The following ANKRD28 variants were observed in gnomAD, a reference collection of about 807,000 sequenced individuals.
ANKRD28 encodes the protein serine/threonine-protein phosphatase 6 regulatory ankyrin repeat subunit A.
Under a neutral mutation model 126.5 loss-of-function variants are expected in ANKRD28, and 44 were observed. The observed-to-expected ratio is 0.35, with a 90% CI of 0.27 to 0.45. ANKRD28 has a LOEUF of 0.45. Ranked by LOEUF, ANKRD28 falls within the 20% of genes least tolerant of loss-of-function variation. ANKRD28 has a pLI of 1.00. For missense variants in ANKRD28, 1,110 were observed against 1,316.6 expected, an observed-to-expected ratio of 0.84 and a Z score of 2.43; for synonymous variants, 442 against 468.5, an observed-to-expected ratio of 0.94 and a Z score of 0.73.
At position 15,833,367 on chromosome 3, in the gene ANKRD28, A is replaced by C. The variant is rs950394756; in HGVS notation, c.27+26010T>G. Among the ~76,000 whole-genome samples, 1 of 151,990 alleles carries C rather than the reference A, an allele frequency of 6.6e-6. No homozygotes were observed. The highest frequency in any genetic ancestry group is 1.5e-5 in the Non-Finnish European group (1 of 67,994). On this transcript the variant is annotated intron_variant, in intron 1 of 27. Transcript: ENST00000399451. The surrounding 1 kb of genome is among the most constrained non-coding windows in gnomAD (Gnocchi z 4.4). ...TCCTGCCCTCAAGCATTGGACTCCAAGTTATTCAGTTTTGGGGCTCGGACT... is the reference window on the plus strand; with the variant it reads ...TCCTGCCCTCAAGCATTGGACTCCACGTTATTCAGTTTTGGGGCTCGGACT...
chr3:15,843,454 C>T lies in ANKRD28; in HGVS notation c.27+15923G>A, dbSNP rs2061463926. ...AGAATCTTAATAGCGTCCATCCGGA[C>T]ACCAATATACAACAATATGTAGTGG... On this transcript the variant is annotated intron_variant, in intron 1 of 27. Transcript: ENST00000399451. This position sits in a 1 kb window ranked among gnomAD's most constrained non-coding sequence, Gnocchi z 5.2. Among the ~76,000 whole-genome samples, 1 of 151,864 alleles carries T rather than the reference C, an allele frequency of 6.6e-6. No homozygotes were observed. Among genetic ancestry groups the T allele is most frequent in the African/African-American group, 2.4e-5 (1 of 41,320 alleles).
At chr3:15,791,244 C>T (rs1451087394) in intron 2 of ANKRD28, among the ~76,000 whole-genome samples, 4 of 152,030 alleles carry the variant, frequency 2.6e-5, no homozygotes, top group African/African-American at 9.7e-5. Flanking sequence ...CAATGGAATT[C>T]TTCACAGGAA....
rs551103706 is a variant in ANKRD28 at position 15,744,473 on chromosome 3, C to CTTT, written c.352-7243_352-7241dup. Reference sequence around the variant, plus strand: ...TACAGGCGGGCACCACCAAACCTGGCTTTTTTTTTTTTTTTGTACTTTTCA... The same window carrying CTTT: ...TACAGGCGGGCACCACCAAACCTGGCTTTTTTTTTTTTTTTTTTGTACTTTTCA... On this transcript the variant is annotated intron_variant, in intron 4 of 27. Transcript: ENST00000683139. Among the ~76,000 whole-genome samples the CTTT allele has an allele frequency of 7.6e-4, 104 of 137,224 alleles. 2 individuals carry two copies. The highest frequency in any genetic ancestry group is 4.7e-3 in the East Asian group (22 of 4,682). The allele number at this position is 137,224 out of a possible 152,430, so 90.0% of individuals were successfully genotyped here.
rs970339878 is a variant in ANKRD28 at position 15,846,292 on chromosome 3, C to T, written c.27+13085G>A. On this transcript the variant is annotated intron_variant, in intron 1 of 27. Transcript: ENST00000399451. This position sits in a 1 kb window ranked among gnomAD's most constrained non-coding sequence, Gnocchi z 5.4. Reference sequence around the variant, plus strand: ...GACACTGGCCAAAACAAAGAGGCTACTGGCCCCATGCAAGTCTGAAACCCA... The same window carrying T: ...GACACTGGCCAAAACAAAGAGGCTATTGGCCCCATGCAAGTCTGAAACCCA... Among the ~76,000 whole-genome samples the T allele has an allele frequency of 3.1e-4, 47 of 152,332 alleles. 1 individual carries two copies. The highest frequency in any genetic ancestry group is 1.1e-3 in the African/African-American group (46 of 41,578).
intron 1 of ANKRD28, among the ~76,000 whole-genome samples, chr3:15,813,327 C>G (rs1311566968): frequency 1.3e-5 from 2 of 152,032 alleles, no homozygotes; most frequent in Non-Finnish European, 2.9e-5. Context: ...GATCACATGC[C>G]GCTGCACTCC....
chr3:15,847,815 T>C (rs1051344274), intron 1 of ANKRD28, among the ~76,000 whole-genome samples: 1 of 152,324 alleles, frequency 6.6e-6, no homozygotes, highest in Middle Eastern at 3.4e-3. Context: ...AAACCTATAT[T>C]CTATACTATC....
Position 15,707,968 on chromosome 3 carries a change from G to A in ANKRD28, c.1503C>T (p.Gly501=), listed in dbSNP as rs775156645. The A allele has an allele frequency of 6.2e-7, 1 of 1,613,052 alleles. No homozygotes were observed. The highest frequency in any genetic ancestry group is 8.5e-7 in the Non-Finnish European group (1 of 1,179,508). The stretch of plus-strand genomic sequence containing the variant: ...TAGCTGCATAGTGCAGGGGTGTGCA[G>A]CCTCTTTCATCAAGGTCATTCACAC... The part of the protein sequence containing the change: ...GASVNDLDER[G]CTPLHYAATS... Residue 501 remains glycine, a synonymous_variant, in exon 14 of 28, where the codon GGC becomes GGT. Transcript: ENST00000683139.
At chr3:15,689,442 G>A (rs532112653) in intron 18 of ANKRD28, among the ~76,000 whole-genome samples, 4 of 152,324 alleles carry the variant, frequency 2.6e-5, no homozygotes, top group Admixed American at 1.3e-4. Context: ...CCCCTGAGGG[G>A]CCCCTAAAAT....
At chr3:15,794,784 T>G (rs926248641) in intron 2 of ANKRD28, among the ~76,000 whole-genome samples, 1 of 152,186 alleles carries the variant, frequency 6.6e-6, no homozygotes, top group African/African-American at 2.4e-5. Flanking sequence ...AAATCTGATC[T>G]TATATTTAGA....
Position 15,737,113 on chromosome 3 carries a change from G to A in ANKRD28, c.472C>T (p.Pro158Ser). 6.2e-7 allele frequency: 1 copy of A among 1,613,946 alleles called. No individual in the cohort carries two copies. The highest frequency in any genetic ancestry group is 1.1e-5 in the South Asian group (1 of 91,074). ...KAVKCAEALVPLLSNVNVSDR... is the reference protein window; with the variant it reads ...KAVKCAEALVSLLSNVNVSDR... ...GATACGTTTACATTACTCAGAAGAGGTACCAAAGCTTCAGCACACTTTACA... is the reference window on the plus strand; with the variant it reads ...GATACGTTTACATTACTCAGAAGAGATACCAAAGCTTCAGCACACTTTACA... The change falls in exon 5 of 28, where the codon CCT becomes TCT. Residue 158 changes from proline to serine, a missense_variant. Physicochemically the swap from Pro to Ser is moderately conservative, Grantham distance 74. Coordinates refer to ENST00000683139, the MANE Select transcript of ANKRD28 (RefSeq NM_001349278.2).
intron 6 of ANKRD28, chr3:15,733,253 G>A (rs1231674551): frequency 6.6e-6 from 1 of 152,210 alleles, no homozygotes; most frequent in Non-Finnish European, 1.5e-5. Flanking sequence ...ATGGACCTCT[G>A]AAATACTCTT....
chr3:15,706,160 A>T (rs2071353826), intron 14 of ANKRD28, among the ~76,000 whole-genome samples: 1 of 151,902 alleles, frequency 6.6e-6, no homozygotes, highest in Admixed American at 6.6e-5. Context: ...GCACATATGT[A>T]TACATGTGCC....
chr3:15,834,428 G>A (rs1476110952), intron 1 of ANKRD28, among the ~76,000 whole-genome samples: 1 of 152,112 alleles, frequency 6.6e-6, no homozygotes, highest in Admixed American at 6.5e-5. Flanking sequence ...TTTTATGCCA[G>A]TACCATGTTG....
intron 4 of ANKRD28, among the ~76,000 whole-genome samples, chr3:15,747,679 G>A (rs938895775): frequency 2.6e-5 from 4 of 152,164 alleles, no homozygotes; most frequent in Non-Finnish European, 5.9e-5. Flanking sequence ...CAGTTGTTTG[G>A]TAGACTGTTC....
At chr3:15,714,314 G>A (rs2072709169) in intron 9 of ANKRD28, among the ~76,000 whole-genome samples, 1 of 151,768 alleles carries the variant, frequency 6.6e-6, no homozygotes, top group Admixed American at 6.6e-5. Flanking sequence ...TTTCTATTTA[G>A]CAATATTGAA....
intron 3 of ANKRD28, among the ~76,000 whole-genome samples, chr3:15,759,688 T>C (rs775774172): frequency 2.6e-5 from 4 of 152,206 alleles, no homozygotes; most frequent in Non-Finnish European, 5.9e-5. Flanking sequence ...AGGAAACAGT[T>C]ACAACCACAA....
chr3:15,720,925 A>G lies in ANKRD28; in HGVS notation c.986T>C (p.Val329Ala). The stretch of plus-strand genomic sequence containing the variant: ...GATTTTGTTCCTTACCTTCATATTG[A>G]CATCGGCCCCATTGCCAACTAGAAG... Reference protein sequence around the residue: ...LELLVGNGADVNMKSKDGKTP... With the variant: ...LELLVGNGADANMKSKDGKTP... The change falls in exon 8 of 28, where the codon GTC becomes GCC. Residue 329 changes from valine (V) to alanine (A), a missense_variant. Transcript: ENST00000683139. The G allele has an allele frequency of 6.2e-7, 1 of 1,613,238 alleles. No individual in the cohort carries two copies. The highest frequency in any genetic ancestry group is 8.5e-7 in the Non-Finnish European group (1 of 1,179,536).
At chr3:15,772,868 A>C (rs1184278124) in intron 2 of ANKRD28, among the ~76,000 whole-genome samples, 1 of 152,022 alleles carries the variant, frequency 6.6e-6, no homozygotes, top group African/African-American at 2.4e-5. Flanking sequence ...TAATTTTTAA[A>C]ACTCTCAGCA....
At chr3:15,844,960 CTT>C (rs2061499672) in intron 1 of ANKRD28, among the ~76,000 whole-genome samples, 1 of 152,142 alleles carries the variant, frequency 6.6e-6, no homozygotes, top group South Asian at 2.1e-4. Context: ...CCTCAGGAAA[CTT>C]ATAATCATGG....
Sources: gnomAD v4.1 joint callset for allele counts (sites outside exome capture counted in the v4.1 genomes callset) on GRCh38, gnomAD v4.1.1 for gene constraint, Gnocchi (gnomAD v3.1) non-coding constraint, MANE v1.5 for transcripts, NCBI Gene and HGNC (gene_info 2026-07-23, HGNC 2026-07-21) for gene names.